Variants in PRKG1 observed in about 807,000 individuals in gnomAD.
PRKG1 encodes the protein cGMP-dependent protein kinase 1.
PRKG1 carries 35 observed loss-of-function variants against 88.1 expected under a neutral mutation model. The observed-to-expected ratio is 0.40, with a 90% CI of 0.30 to 0.53. The LOEUF (loss-of-function observed/expected upper bound fraction) is 0.53. Among genes scored for constraint, PRKG1 ranks in the 20% least tolerant of loss-of-function variants. PRKG1 has a pLI of 0.59. For missense variants in PRKG1, 540 were observed against 839.8 expected (o/e 0.64, Z 4.41); for synonymous variants, 303 against 292.5 (o/e 1.04, Z -0.37).
At chr10:51,511,887 T>C (rs1841423319) in intron 3 of PRKG1, among the ~76,000 whole-genome samples, 2 of 152,192 alleles carry the variant, frequency 1.3e-5, no homozygotes, top group African/African-American at 2.4e-5. Context: ...TTCAAATCAG[T>C]GATGGTCGAA....
intron 4 of PRKG1, among the ~76,000 whole-genome samples, chr10:51,883,862 C>T (rs114033527): frequency 0.012 from 1,782 of 152,064 alleles, 35 homozygotes; most frequent in African/African-American, 0.04. Context: ...CCCATGTGTC[C>T]TTCCAGGAGG....
In PRKG1 at chr10:51,158,771, C is replaced by A. The variant is rs117356142; in HGVS notation, c.478+5441C>A. ...CCTTGGAGGCCTTATTTTCTATCTGCAATCAATAGCATTGATTTTGTTTTT... is the reference window on the plus strand; with the variant it reads ...CCTTGGAGGCCTTATTTTCTATCTGAAATCAATAGCATTGATTTTGTTTTT... On this transcript the variant is annotated intron_variant, in intron 2 of 17. Transcript: ENST00000373980. Among the ~76,000 whole-genome samples the A allele has an allele frequency of 7.6e-3, 1,157 of 152,058 alleles. 5 individuals carry two copies. The highest frequency in any genetic ancestry group is 0.021 in the Middle Eastern group (6 of 292).
At chr10:51,529,546 T>G (rs1013880596) in intron 3 of PRKG1, among the ~76,000 whole-genome samples, 19 of 152,164 alleles carry the variant, frequency 1.2e-4, no homozygotes, top group African/African-American at 3.9e-4. Context: ...GTAATATACT[T>G]GCCTTCCTTT....
chr10:51,672,898 C>T (rs146071585), intron 3 of PRKG1, among the ~76,000 whole-genome samples: 105 of 152,276 alleles, frequency 6.9e-4, no homozygotes, highest in Middle Eastern at 3.4e-3. Context: ...TATAAGTTTT[C>T]CTGTTTCACC....
At chr10:51,656,012 T>C (rs1302235849) in intron 3 of PRKG1, among the ~76,000 whole-genome samples, 2 of 152,152 alleles carry the variant, frequency 1.3e-5, no homozygotes, top group African/African-American at 4.8e-5. Context: ...TATTCAATTA[T>C]TAGGGATGGA....
intron 3 of PRKG1, among the ~76,000 whole-genome samples, chr10:51,727,258 C>T (rs1842154965): frequency 1.3e-5 from 2 of 149,194 alleles, no homozygotes; most frequent in South Asian, 4.2e-4. Context: ...CTGGGCAACA[C>T]AGTAAGACCC....
Position 52,256,342 on chromosome 10 carries a change from T to C in PRKG1, c.1173+4676T>C, listed in dbSNP as rs112911889. 3.6e-5 allele frequency among the ~76,000 whole-genome samples: 5 copies of C among 138,990 alleles called. 1 individual carries two copies. The highest frequency in any genetic ancestry group is 8.1e-5 in the Non-Finnish European group (5 of 61,544). 91.2% of individuals were successfully genotyped at this position (138,990 alleles called of 152,430 possible). ...TCTAAATCCTTTTCTGCTCCTAGTTTAATGGCAAAATACCTGCAGAGAAAA... is the reference window on the plus strand; with the variant it reads ...TCTAAATCCTTTTCTGCTCCTAGTTCAATGGCAAAATACCTGCAGAGAAAA... On this transcript the variant is annotated intron_variant, in intron 10 of 17. Transcript: ENST00000373980.
At chr10:51,553,928 G>A (rs960803137) in intron 3 of PRKG1, among the ~76,000 whole-genome samples, 1 of 134,338 alleles carries the variant, frequency 7.4e-6, no homozygotes, top group Non-Finnish European at 1.6e-5. Context: ...TATAATATAT[G>A]TATGTATTAG....
intron 9 of PRKG1, among the ~76,000 whole-genome samples, chr10:52,172,231 T>G (rs981372669): frequency 2.6e-5 from 4 of 152,234 alleles, no homozygotes; most frequent in African/African-American, 9.6e-5. Context: ...CAGCCTTTTC[T>G]AATCAACAGA....
intron 2 of PRKG1, among the ~76,000 whole-genome samples, chr10:51,356,408 CTA>C (rs1278243768): frequency 6.6e-6 from 1 of 152,110 alleles, no homozygotes; most frequent in East Asian, 1.9e-4. Flanking sequence ...ATTGTCCATG[CTA>C]TAGTTATCTG....
intron 2 of PRKG1, among the ~76,000 whole-genome samples, chr10:51,212,548 A>C (rs535899145): frequency 2.0e-5 from 3 of 152,316 alleles, no homozygotes; most frequent in South Asian, 2.1e-4. Context: ...AATGGGAGAA[A>C]ATTTTTGCAA....
intron 5 of PRKG1, among the ~76,000 whole-genome samples, chr10:52,011,716 C>T (rs1462948085): frequency 6.6e-6 from 1 of 152,176 alleles, no homozygotes; most frequent in Non-Finnish European, 1.5e-5. Context: ...GCCTCCATTT[C>T]TAGTCACCTC....
In PRKG1 at chr10:52,116,975, A is replaced by G. The variant is rs556279183; in HGVS notation, c.936-16865A>G. ...CCTGCTTTTCTAACCACTATGTTCT[A>G]CTCTCTCATTGTAAAGATATCCTGT... is the stretch of plus-strand genomic sequence containing the variant. On this transcript the variant is annotated intron_variant, in intron 7 of 17. Transcript: ENST00000373980. Among the ~76,000 whole-genome samples the G allele has an allele frequency of 2.2e-4, 33 of 152,026 alleles. 1 individual carries two copies. The highest frequency in any genetic ancestry group is 7.4e-5 in the Non-Finnish European group (5 of 67,960).
At chr10:51,153,957 C>A (rs1269002912) in intron 2 of PRKG1, among the ~76,000 whole-genome samples, 2 of 151,888 alleles carry the variant, frequency 1.3e-5, no homozygotes, top group Non-Finnish European at 2.9e-5. Context: ...TTCTTTCTGA[C>A]CTGAAATCTA....
intron 5 of PRKG1, among the ~76,000 whole-genome samples, chr10:51,939,195 T>G (rs929140801): frequency 1.3e-5 from 2 of 152,050 alleles, no homozygotes; most frequent in Non-Finnish European, 2.9e-5. Context: ...AATTGAACAT[T>G]ATTTTGCATT....
chr10:51,904,780 A>C (rs1364839565), intron 4 of PRKG1, among the ~76,000 whole-genome samples: 1 of 152,158 alleles, frequency 6.6e-6, no homozygotes, highest in African/African-American at 2.4e-5. Context: ...GAGGCATTTA[A>C]AATTGTGAAA....
intron 5 of PRKG1, among the ~76,000 whole-genome samples, chr10:51,992,581 C>T (rs936865302): frequency 1.3e-5 from 2 of 152,064 alleles, no homozygotes; most frequent in East Asian, 3.9e-4. Flanking sequence ...CACCTTCTGC[C>T]ACTTCCCCAG....
At chr10:52,105,878 G>A (rs761672696) in intron 7 of PRKG1, among the ~76,000 whole-genome samples, 8 of 151,478 alleles carry the variant, frequency 5.3e-5, no homozygotes, top group Non-Finnish European at 8.8e-5. Context: ...ACATGGATAC[G>A]TTCTTTAGTG....
At chr10:51,536,437 C>A (rs540530934) in intron 3 of PRKG1, among the ~76,000 whole-genome samples, 1 of 152,040 alleles carries the variant, frequency 6.6e-6, no homozygotes, top group East Asian at 1.9e-4. Context: ...GATATTAGAG[C>A]TTTGTTTGAG....
Sources: allele counts gnomAD v4.1 joint callset (sites outside exome capture counted in the v4.1 genomes callset), GRCh38; gene constraint gnomAD v4.1.1; transcripts MANE v1.5; gene names NCBI Gene and HGNC (gene_info 2026-07-23, HGNC 2026-07-21).